Variants in MAP4K5 observed in about 807,000 individuals in gnomAD.
MAP4K5 encodes the protein mitogen-activated protein kinase kinase kinase kinase 5.
MAP4K5 carries 82 observed loss-of-function variants against 135.6 expected under a neutral mutation model. The observed-to-expected ratio is 0.60, with a 90% confidence interval of 0.51 to 0.73. The LOEUF is 0.73. Among genes scored for constraint, MAP4K5 ranks in the 30% least tolerant of loss-of-function variants. The pLI is 0.00. For synonymous variants in MAP4K5, 347 were observed against 335.0 expected, an observed-to-expected ratio of 1.04 and a Z score of -0.39; for missense variants, 907 against 1,010.9, an observed-to-expected ratio of 0.90 and a Z score of 1.39.
At chr14:50,485,510 C>T (rs2037344423) in intron 5 of MAP4K5, 68 bp downstream of exon 5, 2 of 1,008,482 alleles carry the variant, frequency 2.0e-6, no homozygotes, top group East Asian at 5.3e-5. Flanking sequence ...CCGTGGTTAA[C>T]TGGAAATATC....
intron 3 of MAP4K5, among the ~76,000 whole-genome samples, chr14:50,491,329 T>TC (rs1370789772): frequency 2.6e-5 from 4 of 151,726 alleles, no homozygotes; most frequent in African/African-American, 7.2e-5. Context: ...TCTCTCTTTT[T>TC]TTTTTTTTTT....
chr14:50,440,592 CCT>C (rs2036205001), intron 21 of MAP4K5, among the ~76,000 whole-genome samples, 151 bp from the exon 22 acceptor site: 2 of 152,036 alleles, frequency 1.3e-5, no homozygotes. Flanking sequence ...ACCTTCTTTA[CCT>C]CTTTCCCCAA....
chr14:50,544,217 C>T (rs1204386848), intron 1 of MAP4K5, among the ~76,000 whole-genome samples: 1 of 152,188 alleles, frequency 6.6e-6, no homozygotes, highest in Non-Finnish European at 1.5e-5. Context: ...TTGGGTGACC[C>T]CACCAGATGA....
intron 3 of MAP4K5, among the ~76,000 whole-genome samples, chr14:50,492,591 C>A (rs2037507651): frequency 3.3e-5 from 4 of 121,828 alleles, no homozygotes; most frequent in African/African-American, 3.0e-5. Context: ...GACCCCATCT[C>A]AAAAAAAAAA....
At chr14:50,535,385 A>G (rs1286392530), upstream of MAP4K5, among the ~76,000 whole-genome samples, 1 of 152,250 alleles carries the variant, frequency 6.6e-6, no homozygotes, top group Non-Finnish European at 1.5e-5. Flanking sequence ...GCATAAGGAC[A>G]ATAACTTTAG....
intron 13 of MAP4K5, among the ~76,000 whole-genome samples, chr14:50,461,640 G>A (rs1021622008): frequency 1.3e-5 from 2 of 150,964 alleles, no homozygotes; most frequent in Admixed American, 6.6e-5. Flanking sequence ...TACATTACAG[G>A]CCAAGCATGG....
intron 21 of MAP4K5, among the ~76,000 whole-genome samples, chr14:50,441,191 G>C (rs1306859914): frequency 6.6e-6 from 1 of 152,160 alleles, no homozygotes; most frequent in Non-Finnish European, 1.5e-5. Context: ...GCTAAACTGA[G>C]TGAGTGAAAT....
intron 30 of MAP4K5, among the ~76,000 whole-genome samples, 165 bp downstream of exon 30, chr14:50,428,497 C>A (rs2035898013): frequency 6.6e-6 from 1 of 152,186 alleles, no homozygotes; most frequent in Non-Finnish European, 1.5e-5. Flanking sequence ...ACCTTGTGAT[C>A]TGCCCACCTT....
At chr14:50,460,457 T>C (rs1286558609) in intron 13 of MAP4K5, among the ~76,000 whole-genome samples, 2 of 152,150 alleles carry the variant, frequency 1.3e-5, no homozygotes, top group Non-Finnish European at 2.9e-5. Flanking sequence ...ATAAGAGGTG[T>C]CTGGTTATTT....
intron 1 of MAP4K5, among the ~76,000 whole-genome samples, chr14:50,558,549 T>G (rs1214355411): frequency 6.6e-6 from 1 of 152,228 alleles, no homozygotes; most frequent in Non-Finnish European, 1.5e-5. Context: ...AGTCTCAAAG[T>G]ATTCACCTGC....
chr14:50,480,917 T>C (rs985877531), intron 6 of MAP4K5, among the ~76,000 whole-genome samples: 5 of 152,314 alleles, frequency 3.3e-5, no homozygotes, highest in Admixed American at 2.0e-4. Flanking sequence ...AGTAAAAATA[T>C]AGTATTATAA....
intron 11 of MAP4K5, among the ~76,000 whole-genome samples, chr14:50,465,879 C>G (rs994765351): frequency 3.3e-5 from 5 of 152,046 alleles, no homozygotes; most frequent in African/African-American, 1.2e-4. Flanking sequence ...AGAATGAGAC[C>G]ATCCTGGCCA....
chr14:50,514,469 G>A (rs1269056493), intron 2 of MAP4K5, among the ~76,000 whole-genome samples: 3 of 152,166 alleles, frequency 2.0e-5, no homozygotes. Flanking sequence ...TACTAGGAAT[G>A]TAATGAAACA....
At chr14:50,460,075 C>A (rs1039891448) in intron 13 of MAP4K5, among the ~76,000 whole-genome samples, 1 of 152,098 alleles carries the variant, frequency 6.6e-6, no homozygotes, top group African/African-American at 2.4e-5. Context: ...TTATTAACAC[C>A]TCTGCTCAGG....
chr14:50,482,349 A>G lies in MAP4K5; in HGVS notation c.378+12T>C. 6.9e-7 allele frequency: 1 copy of G among 1,450,514 alleles called. No individual in the cohort carries two copies. The highest frequency in any genetic ancestry group is 1.9e-4 in the Middle Eastern group (1 of 5,188). The allele number at this position is 1,450,514 out of a possible 1,614,324, so 89.9% of individuals were successfully genotyped here. A position where few individuals can be genotyped will look rare whatever the true frequency, so the allele number is the denominator to read the frequency against. On this transcript the variant is annotated intron_variant, in intron 6 of 32. Coordinates refer to ENST00000682126, the MANE Select transcript of MAP4K5 (RefSeq NM_006575.6). ...GAATTGCCTTTCTAACTATATTAAGAAAATATAGTACCTGTAAGGTTTCTC... is the reference window on the plus strand; with the variant it reads ...GAATTGCCTTTCTAACTATATTAAGGAAATATAGTACCTGTAAGGTTTCTC...
intron 21 of MAP4K5, among the ~76,000 whole-genome samples, chr14:50,440,983 A>G (rs1434758420): frequency 1.3e-5 from 2 of 152,186 alleles, no homozygotes; most frequent in Non-Finnish European, 2.9e-5. Flanking sequence ...TGATGAGGAC[A>G]TTTCAAACAA....
intron 1 of MAP4K5, among the ~76,000 whole-genome samples, chr14:50,558,137 G>A (rs2038786366): frequency 1.3e-5 from 2 of 152,178 alleles, no homozygotes; most frequent in African/African-American, 2.4e-5. Context: ...GGCTGAGGTG[G>A]GCAGATCGCT....
At chr14:50,501,290 C>G (rs1182270168) in intron 3 of MAP4K5, among the ~76,000 whole-genome samples, 2 of 152,016 alleles carry the variant, frequency 1.3e-5, no homozygotes, top group African/African-American at 4.8e-5. Context: ...ATTTCTTAAA[C>G]TGATAAACTA....
rs71441284 is a variant in MAP4K5 at position 50,490,159 on chromosome 14, G to GTGTGTGTGTGTGTATGTA, written c.167-3966_167-3965insTACATACACACACACACA. ...TGTGTGTGTGTGTGTGTGTGTGTGT[G>GTGTGTGTGTGTGTATGTA]TAAGGGAACTCAGCCTGATACTCTT... On this transcript the variant is annotated intron_variant, in intron 3 of 32. Transcript: ENST00000682126. Among the ~76,000 whole-genome samples the GTGTGTGTGTGTGTATGTA allele has an allele frequency of 5.9e-4, 81 of 138,006 alleles. No homozygotes were observed. The East Asian group carries it at 6.6e-3, about 11-fold the overall frequency. 90.5% of individuals were successfully genotyped at this position (138,006 alleles called of 152,430 possible).
Sources: allele counts gnomAD v4.1 joint callset (sites outside exome capture counted in the v4.1 genomes callset), GRCh38; gene constraint gnomAD v4.1.1; transcripts MANE v1.5; gene names NCBI Gene and HGNC (gene_info 2026-07-23, HGNC 2026-07-21).